Variants in SETBP1 observed in about 807,000 individuals in gnomAD.
SETBP1 encodes the protein SET-binding protein.
In SETBP1, 9 loss-of-function variants were observed where a neutral mutation model predicts 101.0. The observed-to-expected ratio is 0.09, with a 90% CI of 0.05 to 0.16. The LOEUF is 0.16. Among genes scored for constraint, SETBP1 ranks in the 10% least tolerant of loss-of-function variants. The pLI, the probability that SETBP1 is intolerant of heterozygous loss-of-function variation, is 1.00. For synonymous variants in SETBP1, 818 were observed against 788.5 expected, an observed-to-expected ratio of 1.04 and a Z score of -0.63; for missense variants, 1,858 against 2,033.8, an observed-to-expected ratio of 0.91 and a Z score of 1.66.
At chr18:44,774,801 G>A (rs886840505) in intron 2 of SETBP1, among the ~76,000 whole-genome samples, 4 of 152,042 alleles carry the variant, frequency 2.6e-5, no homozygotes, top group Admixed American at 6.6e-5. Context: ...ATATACTGTC[G>A]ACCCTCATTG....
chr18:44,720,311 C>A (rs1437857778), intron 2 of SETBP1, among the ~76,000 whole-genome samples: 2 of 151,882 alleles, frequency 1.3e-5, no homozygotes, highest in African/African-American at 4.9e-5. Flanking sequence ...AATACCTATT[C>A]CTATAACTAA....
At chr18:44,795,822 A>C (rs1338533997) in intron 2 of SETBP1, among the ~76,000 whole-genome samples, 1 of 150,622 alleles carries the variant, frequency 6.6e-6, no homozygotes, top group Non-Finnish European at 1.5e-5. Flanking sequence ...TCTAATTGTT[A>C]GAGAGTAACA....
intron 2 of SETBP1, among the ~76,000 whole-genome samples, chr18:44,741,403 A>G (rs1371649085): frequency 5.9e-5 from 9 of 152,188 alleles, no homozygotes; most frequent in Admixed American, 2.0e-4. Context: ...TTCCTCTAGA[A>G]AAATAAAATA....
At chr18:44,867,002 G>A (rs918925008) in intron 2 of SETBP1, among the ~76,000 whole-genome samples, 19 of 152,232 alleles carry the variant, frequency 1.2e-4, no homozygotes, top group African/African-American at 3.6e-4. Context: ...TAATTCAGAC[G>A]CATTTTATTA....
chr18:44,965,183 A>G (rs1406900459), intron 4 of SETBP1, among the ~76,000 whole-genome samples: 3 of 152,046 alleles, frequency 2.0e-5, no homozygotes, highest in African/African-American at 4.8e-5. Context: ...TGAAATTCCA[A>G]CTTCACCTCA....
At chr18:44,839,085 A>C (rs1004435267) in intron 2 of SETBP1, among the ~76,000 whole-genome samples, 4 of 152,088 alleles carry the variant, frequency 2.6e-5, no homozygotes, top group African/African-American at 7.2e-5. Context: ...AAAAAAAAAA[A>C]AACCCAGCCT....
At chr18:45,013,817 C>G (rs906487094) in intron 4 of SETBP1, among the ~76,000 whole-genome samples, 3 of 152,186 alleles carry the variant, frequency 2.0e-5, no homozygotes, top group African/African-American at 7.2e-5. Flanking sequence ...GACATGAAGT[C>G]TGAAGCTCTG....
intron 1 of SETBP1, among the ~76,000 whole-genome samples, chr18:44,691,516 G>A (rs367628132): frequency 1.7e-4 from 26 of 152,256 alleles, no homozygotes; most frequent in African/African-American, 6.0e-4. Context: ...AGACACAAGG[G>A]TCATGCTGTT....
intron 4 of SETBP1, among the ~76,000 whole-genome samples, chr18:45,005,738 C>A (rs1297589116): frequency 6.8e-6 from 1 of 146,888 alleles, no homozygotes; most frequent in African/African-American, 2.5e-5. Flanking sequence ...GCCCCACCTT[C>A]CGGGTTCACG....
chr18:44,886,336 A>C (rs1054154516), intron 3 of SETBP1, among the ~76,000 whole-genome samples: 2 of 152,150 alleles, frequency 1.3e-5, no homozygotes, highest in African/African-American at 2.4e-5. Flanking sequence ...GTACAAATGA[A>C]GGATTTTCAA....
At chr18:44,754,453 C>A (rs1216155845) in intron 2 of SETBP1, among the ~76,000 whole-genome samples, 1 of 152,166 alleles carries the variant, frequency 6.6e-6, no homozygotes, top group African/African-American at 2.4e-5. Context: ...GTTTGTCCAT[C>A]ATTTTGGTTA....
intron 4 of SETBP1, among the ~76,000 whole-genome samples, chr18:44,976,141 C>A (rs1191783771): frequency 6.6e-6 from 1 of 151,422 alleles, no homozygotes; most frequent in Non-Finnish European, 1.5e-5. Context: ...TGCACATAGA[C>A]ACCAGAGCTT....
At chr18:44,907,361 G>C (rs747647881) in intron 3 of SETBP1, among the ~76,000 whole-genome samples, 1 of 152,106 alleles carries the variant, frequency 6.6e-6, no homozygotes, top group Non-Finnish European at 1.5e-5. Context: ...GTTCTCTTGG[G>C]TATATACTTA....
chr18:44,773,115 T>C (rs1322502953), intron 2 of SETBP1, among the ~76,000 whole-genome samples: 1 of 152,196 alleles, frequency 6.6e-6, no homozygotes, highest in Non-Finnish European at 1.5e-5. Flanking sequence ...CCTACTCCTA[T>C]TGAATAAGGG....
chr18:44,726,331 G>A (rs1049912339), intron 2 of SETBP1, among the ~76,000 whole-genome samples: 1 of 152,182 alleles, frequency 6.6e-6, no homozygotes, highest in South Asian at 2.1e-4. Flanking sequence ...ATCATTGAAA[G>A]AGATTATGAA....
intron 1 of SETBP1, among the ~76,000 whole-genome samples, chr18:44,690,494 T>C (rs980069301): frequency 3.3e-5 from 5 of 152,368 alleles, no homozygotes; most frequent in East Asian, 1.9e-4. Context: ...TATTATCTGT[T>C]AGATGGTTCA....
At chr18:44,777,669 G>A (rs533742062) in intron 2 of SETBP1, among the ~76,000 whole-genome samples, 7 of 152,328 alleles carry the variant, frequency 4.6e-5, no homozygotes, top group Middle Eastern at 3.4e-3. Context: ...CACCCGTCAA[G>A]GAGGAAAGCA....
intron 4 of SETBP1, among the ~76,000 whole-genome samples, chr18:45,016,450 CCA>C (rs1468920460): frequency 6.6e-6 from 1 of 152,086 alleles, no homozygotes; most frequent in African/African-American, 2.4e-5. Context: ...GGGGAGCATC[CCA>C]CAGAGTTCCC....
intron 4 of SETBP1, among the ~76,000 whole-genome samples, chr18:45,037,594 C>T (rs373801639): frequency 2.6e-5 from 4 of 152,072 alleles, no homozygotes; most frequent in African/African-American, 7.2e-5. Flanking sequence ...GTAACTTACT[C>T]GTCATCACAG....
Sources: allele counts gnomAD v4.1 joint callset (sites outside exome capture counted in the v4.1 genomes callset), GRCh38; gene constraint gnomAD v4.1.1; transcripts MANE v1.5; gene names NCBI Gene and HGNC (gene_info 2026-07-23, HGNC 2026-07-21).